Variants in NRDE2 observed in about 807,000 individuals in gnomAD.
NRDE2 encodes NRDE-2, necessary for RNA interference, domain containing, also known as nuclear exosome regulator NRDE2.
Under a neutral mutation model 124.2 loss-of-function variants are expected in NRDE2, and 76 were observed. That is an observed-to-expected ratio of 0.61 (90% CI 0.51 to 0.74). NRDE2 has a LOEUF of 0.74. Ranked by LOEUF, NRDE2 falls within the 30% of genes least tolerant of loss-of-function variation. The probability of loss-of-function intolerance (pLI) is 0.00; values close to 1 mark genes in which losing one functional copy is unlikely to be tolerated. For missense variants in NRDE2, 1,314 were observed against 1,417.3 expected (o/e 0.93, Z 1.17); for synonymous variants, 489 against 528.1 (o/e 0.93, Z 1.01).
At chr14:90,325,772 C>T (rs1490383016) in intron 1 of NRDE2, among the ~76,000 whole-genome samples, 1 of 152,148 alleles carries the variant, frequency 6.6e-6, no homozygotes, top group East Asian at 1.9e-4. Flanking sequence ...TGTGATCTGC[C>T]CGCCTTGGCC....
At chr14:90,326,650 TCTC>T (rs1305426505) in intron 1 of NRDE2, among the ~76,000 whole-genome samples, 25 of 152,238 alleles carry the variant, frequency 1.6e-4, no homozygotes, top group Admixed American at 1.6e-3. Flanking sequence ...GGAAGGTTTT[TCTC>T]CTCTGAATAT....
At chr14:90,315,379 A>G (rs1885008055) in intron 3 of NRDE2, among the ~76,000 whole-genome samples, 1 of 152,106 alleles carries the variant, frequency 6.6e-6, no homozygotes, top group East Asian at 1.9e-4. Context: ...TAAAAAAAGG[A>G]AACAAAAATT....
intron 7 of NRDE2, 72 bp from the exon 8 acceptor site, chr14:90,298,452 C>T (rs1045778030): frequency 6.1e-6 from 9 of 1,482,282 alleles, no homozygotes; most frequent in Non-Finnish European, 7.5e-6. Context: ...AAAATCCGCG[C>T]TGGTGGATAT....
chr14:90,312,116 C>A (rs1444523902), intron 4 of NRDE2, among the ~76,000 whole-genome samples: 1 of 152,194 alleles, frequency 6.6e-6, no homozygotes, highest in Non-Finnish European at 1.5e-5. Flanking sequence ...TTACAAGGTA[C>A]TTTTGGATTC....
At chr14:90,318,262 GA>G in intron 1 of NRDE2, 149 bp from the exon 2 acceptor site, 1 of 589,552 alleles carries the variant, frequency 1.7e-6, no homozygotes, top group Non-Finnish European at 3.0e-6. Flanking sequence ...CACAGAAGCT[GA>G]ACAGAATCCA....
At chr14:90,314,938 G>A (rs1349798087) in intron 3 of NRDE2, among the ~76,000 whole-genome samples, 1 of 152,022 alleles carries the variant, frequency 6.6e-6, no homozygotes, top group Non-Finnish European at 1.5e-5. Context: ...GGGAGGCAGA[G>A]GCGGGTGGAT....
intron 12 of NRDE2, among the ~76,000 whole-genome samples, chr14:90,285,382 GC>G (rs1231063129): frequency 2.9e-5 from 4 of 139,484 alleles, no homozygotes; most frequent in African/African-American, 1.1e-4. Flanking sequence ...GCTCACTGCA[GC>G]CTCTGCCTCC....
Position 90,269,187 on chromosome 14 carries a change from A to C in NRDE2, c.*9149T>G. ...ATCTCTTAGCCACACAGTAGGGATTAAGTTTCAACACATAAATTTGGGGAA... is the reference window on the plus strand; with the variant it reads ...ATCTCTTAGCCACACAGTAGGGATTCAGTTTCAACACATAAATTTGGGGAA... On this transcript the variant is annotated 3_prime_UTR_variant, in exon 14 of 14. Transcript: ENST00000354366. 1 of 551,526 alleles carries C rather than the reference A, an allele frequency of 1.8e-6. No homozygotes were observed. The highest frequency in any genetic ancestry group is 3.0e-5 in the East Asian group (1 of 32,974). 34.2% of individuals were successfully genotyped at this position (551,526 alleles called of 1,614,324 possible). A position where few individuals can be genotyped will look rare whatever the true frequency, so the allele number is the denominator to read the frequency against.
intron 1 of NRDE2, among the ~76,000 whole-genome samples, chr14:90,330,259 T>C (rs971820712): frequency 8.7e-6 from 1 of 115,328 alleles, no homozygotes; most frequent in African/African-American, 3.4e-5. Flanking sequence ...AATCCTGCAG[T>C]TCACCTATGG....
chr14:90,305,296 T>C (rs1395417649), intron 4 of NRDE2, among the ~76,000 whole-genome samples: 1 of 152,176 alleles, frequency 6.6e-6, no homozygotes, highest in Non-Finnish European at 1.5e-5. Flanking sequence ...ACCTGTGGAG[T>C]AACCAGGACT....
chr14:90,270,682 A>C lies in NRDE2; in HGVS notation c.*7654T>G. ...CAGGGGAAGGGTATGTCCTGGGAGAACTCTCCCCAGAGCCGCAGAGTGGGG... is the reference window on the plus strand; with the variant it reads ...CAGGGGAAGGGTATGTCCTGGGAGACCTCTCCCCAGAGCCGCAGAGTGGGG... On this transcript the variant is annotated 3_prime_UTR_variant, in exon 14 of 14. Transcript: ENST00000354366. 1 of 202,194 alleles carries C rather than the reference A, an allele frequency of 4.9e-6. No homozygotes were observed. The highest frequency in any genetic ancestry group is 9.9e-6 in the Non-Finnish European group (1 of 100,974). 12.5% of individuals were successfully genotyped at this position (202,194 alleles called of 1,614,324 possible).
chr14:90,270,304 G>A lies in NRDE2; in HGVS notation c.*8032C>T. 1.2e-6 allele frequency: 2 copies of A among 1,613,700 alleles called. No homozygotes were observed. The highest frequency in any genetic ancestry group is 1.7e-6 in the Non-Finnish European group (2 of 1,179,938). On this transcript the variant is annotated 3_prime_UTR_variant, in exon 14 of 14. Coordinates refer to ENST00000354366, the MANE Select transcript of NRDE2 (RefSeq NM_017970.4). ...TGACGCTGGCTGATGATGTAACCCT[G>A]GACGACCTGATCATGGCTAAAGATG... is the stretch of plus-strand genomic sequence containing the variant.
At chr14:90,294,566 C>T (rs963027148) in intron 8 of NRDE2, among the ~76,000 whole-genome samples, 2 of 152,136 alleles carry the variant, frequency 1.3e-5, no homozygotes, top group African/African-American at 4.8e-5. Flanking sequence ...CTACGCTAAG[C>T]GGAATCAGCC....
chr14:90,315,314 T>C (rs1885005305), intron 3 of NRDE2, among the ~76,000 whole-genome samples: 1 of 150,646 alleles, frequency 6.6e-6, no homozygotes, highest in Non-Finnish European at 1.5e-5. Context: ...GAGGTTGCAG[T>C]GAGGCAAGAT....
Position 90,314,109 on chromosome 14 carries a change from G to A in NRDE2, c.408-1566C>T, listed in dbSNP as rs182175414. Among the ~76,000 whole-genome samples the A allele has an allele frequency of 1.5e-3, 229 of 152,346 alleles. 1 individual carries two copies. Among genetic ancestry groups the A allele is most frequent in the African/African-American group, 5.1e-3 (211 of 41,578 alleles). On this transcript the variant is annotated intron_variant, in intron 3 of 13. Transcript: ENST00000354366. ...GTACTGAGCTAAGGAAGCAGGATAT[G>A]GTAGTCTGGGCTGTGTGCAAGGAAG...
intron 12 of NRDE2, among the ~76,000 whole-genome samples, chr14:90,281,835 T>A (rs1254088279): frequency 1.3e-5 from 2 of 152,230 alleles, no homozygotes; most frequent in Admixed American, 6.5e-5. Context: ...CATGTGCTCC[T>A]GAGAGAAGAC....
intron 1 of NRDE2, among the ~76,000 whole-genome samples, chr14:90,328,111 C>G (rs1183834530): frequency 6.7e-6 from 1 of 150,278 alleles, no homozygotes; most frequent in Non-Finnish European, 1.5e-5. Context: ...CAACTGCACT[C>G]CAGCCTAGGC....
intron 1 of NRDE2, among the ~76,000 whole-genome samples, chr14:90,319,128 C>T (rs963514966): frequency 6.6e-6 from 1 of 152,032 alleles, no homozygotes; most frequent in Non-Finnish European, 1.5e-5. Context: ...TATTTTCTAA[C>T]TTTTAGGAGT....
In NRDE2 at chr14:90,290,357, T is replaced by C. The variant is rs1892238764; in HGVS notation, c.2093A>G (p.Tyr698Cys). The C allele has an allele frequency of 1.2e-6, 2 of 1,614,110 alleles. No homozygotes were observed. Among genetic ancestry groups the C allele is most frequent in the African/African-American group, 1.3e-5 (1 of 75,052 alleles). The change falls in exon 10 of 14, where the codon TAT (tyrosine) becomes TGT (cysteine). Residue 698 changes from tyrosine to cysteine, a missense_variant. By Grantham distance (194) the Tyr-to-Cys change is radical (BLOSUM62 -2). Transcript: ENST00000354366. ...GTTCTGACCCCTGGTCCAGCGAGGA[T>C]AGCCCAACCTATCCATGCGGCCAAC... is the stretch of plus-strand genomic sequence containing the variant. ...SCVGRMDRLGYPRWTRGQNRE... is the reference protein window; with the variant it reads ...SCVGRMDRLGCPRWTRGQNRE...
Sources: allele counts gnomAD v4.1 joint callset (sites outside exome capture counted in the v4.1 genomes callset), GRCh38; gene constraint gnomAD v4.1.1; transcripts MANE v1.5; gene names NCBI Gene and HGNC (gene_info 2026-07-23, HGNC 2026-07-21).